Variants in SEPTIN10 observed in about 807,000 individuals in gnomAD.
The protein encoded by SEPTIN10 is septin-10.
A neutral mutation model predicts 54.8 loss-of-function variants in SEPTIN10; 66 were observed. The observed-to-expected ratio is 1.21, with a 90% CI of 0.99 to 1.48. The LOEUF (loss-of-function observed/expected upper bound fraction) is 1.48, where lower values mean the gene tolerates loss of function less well. Ranked by LOEUF, SEPTIN10 falls within the 40% of genes most tolerant of loss-of-function variation. The pLI, the probability that SEPTIN10 is intolerant of heterozygous loss-of-function variation, is 0.00. For synonymous variants in SEPTIN10, 161 were observed against 181.0 expected (o/e 0.89, Z 0.89); for missense variants, 620 against 545.6 (o/e 1.14, Z -1.36).
chr2:109,589,800 A>G (rs886795943), intron 2 of SEPTIN10, among the ~76,000 whole-genome samples: 1 of 152,044 alleles, frequency 6.6e-6, no homozygotes, highest in Non-Finnish European at 1.5e-5. Context: ...GAACTTATGC[A>G]TCAATGTTCA....
At chr2:109,586,132 AC>A (rs1447226147) in intron 2 of SEPTIN10, among the ~76,000 whole-genome samples, 1 of 152,236 alleles carries the variant, frequency 6.6e-6, no homozygotes, top group Non-Finnish European at 1.5e-5. Context: ...ATATTCACTT[AC>A]AAAATAAAAA....
chr2:109,562,260 C>G (rs1007049564), intron 8 of SEPTIN10, among the ~76,000 whole-genome samples: 1 of 151,696 alleles, frequency 6.6e-6, no homozygotes, highest in African/African-American at 2.4e-5. Flanking sequence ...AAATACATGT[C>G]TTAAGCATGC....
chr2:109,580,579 C>T (rs181034382), intron 4 of SEPTIN10, among the ~76,000 whole-genome samples: 1 of 152,116 alleles, frequency 6.6e-6, no homozygotes, highest in East Asian at 1.9e-4. Flanking sequence ...ACTGACTATC[C>T]TACAAAATAC....
intron 7 of SEPTIN10, 99 bp downstream of exon 7, chr2:109,565,664 A>G: frequency 3.8e-6 from 4 of 1,050,960 alleles, no homozygotes; most frequent in Non-Finnish European, 5.9e-6. Context: ...CTGACAACCA[A>G]TCACATCCAA....
chr2:109,548,775 CAAAAAAAAAAAAAAA>C (rs57096452), intron 9 of SEPTIN10, among the ~76,000 whole-genome samples: 9 of 63,590 alleles, frequency 1.4e-4, no homozygotes, highest in East Asian at 8.0e-4. Context: ...GGCTCCATCT[CAAAAAAAAAAAAAAA>C]AAAAAAAAAA....
intron 5 of SEPTIN10, 111 bp downstream of exon 5, chr2:109,574,469 TA>T: frequency 1.7e-6 from 1 of 593,272 alleles, no homozygotes; most frequent in Non-Finnish European, 2.4e-6. Context: ...AAAAAAAATT[TA>T]AAAAAGATGC....
intron 1 of SEPTIN10, among the ~76,000 whole-genome samples, chr2:109,611,809 T>A (rs1699317531): frequency 6.6e-6 from 1 of 152,146 alleles, no homozygotes; most frequent in Non-Finnish European, 1.5e-5. Context: ...TAAGAATGGC[T>A]AAATTAAAAA....
At chr2:109,597,022 C>G (rs1015444112) in intron 1 of SEPTIN10, among the ~76,000 whole-genome samples, 12 of 151,890 alleles carry the variant, frequency 7.9e-5, no homozygotes, top group Non-Finnish European at 1.5e-4. Flanking sequence ...CGACTGACAG[C>G]CGAGATCCTC....
chr2:109,602,277 T>C (rs1206583976), intron 1 of SEPTIN10, among the ~76,000 whole-genome samples: 1 of 151,792 alleles, frequency 6.6e-6, no homozygotes, highest in Non-Finnish European at 1.5e-5. Context: ...AGAAACTGCA[T>C]GAACAGAAAG....
chr2:109,556,834 G>T (rs543027246), intron 8 of SEPTIN10, among the ~76,000 whole-genome samples: 11 of 152,292 alleles, frequency 7.2e-5, no homozygotes, highest in African/African-American at 2.6e-4. Context: ...GGAATGCTAT[G>T]CAGCCATAAA....
intron 1 of SEPTIN10, among the ~76,000 whole-genome samples, chr2:109,601,384 A>C (rs1173368806): frequency 3.9e-5 from 6 of 152,260 alleles, no homozygotes; most frequent in Admixed American, 3.3e-4. Context: ...ACAAGTGTAT[A>C]AAAGGGTCCA....
intron 4 of SEPTIN10, among the ~76,000 whole-genome samples, chr2:109,582,667 A>G (rs999416536): frequency 2.6e-5 from 4 of 152,180 alleles, no homozygotes; most frequent in African/African-American, 9.7e-5. Context: ...TCACAGAATT[A>G]GAAAAAACTA....
At chr2:109,577,829 C>T (rs1248153572) in intron 4 of SEPTIN10, among the ~76,000 whole-genome samples, 1 of 147,544 alleles carries the variant, frequency 6.8e-6, no homozygotes, top group Non-Finnish European at 1.5e-5. Flanking sequence ...TTAAGAATCA[C>T]TTGAACCCAG....
intron 3 of SEPTIN10, 30 bp from the exon 4 acceptor site, chr2:109,585,351 T>C (rs551525124): frequency 7.2e-6 from 11 of 1,521,778 alleles, no homozygotes; most frequent in Admixed American, 2.0e-5. Flanking sequence ...ATCTTTATGG[T>C]TGCATGAATG....
At chr2:109,584,234 C>T (rs1019496503) in intron 4 of SEPTIN10, among the ~76,000 whole-genome samples, 12 of 152,048 alleles carry the variant, frequency 7.9e-5, no homozygotes, top group Non-Finnish European at 1.6e-4. Context: ...CCTAGCACTT[C>T]GGGAGGCCGA....
rs1422074833 is a variant in SEPTIN10 at position 109,574,628 on chromosome 2, A to T, written c.553T>A (p.Ser185Thr). The change falls in exon 5 of 11, where the codon TCT becomes ACT. Residue 185 changes from serine to threonine, a missense_variant. Coordinates refer to ENST00000397712, the MANE Select transcript of SEPTIN10 (RefSeq NM_144710.5). ...GTTAAGAGATCAAGTGTCTTCAGAGAGTGGCCTGTCGGTGAAATGAAGTAG... is the reference window on the plus strand; with the variant it reads ...GTTAAGAGATCAAGTGTCTTCAGAGTGTGGCCTGTCGGTGAAATGAAGTAG... The part of the protein sequence containing the change: ...CLYFISPTGH[S>T]LKTLDLLTMK... The T allele has an allele frequency of 1.9e-6, 3 of 1,604,976 alleles. No homozygotes were observed. In the Admixed American group the frequency reaches 5.1e-5, roughly 27 times the overall value.
chr2:109,561,860 A>G (rs1444351146), intron 8 of SEPTIN10, among the ~76,000 whole-genome samples: 5 of 152,290 alleles, frequency 3.3e-5, no homozygotes, highest in South Asian at 4.1e-4. Context: ...TTCAAATTAC[A>G]TATCCTTAGC....
intron 10 of SEPTIN10, chr2:109,545,070 T>C: frequency 7.1e-6 from 7 of 985,384 alleles, no homozygotes; most frequent in Non-Finnish European, 8.4e-6. Flanking sequence ...TAAAGTTGAG[T>C]TGCAATATTC....
chr2:109,607,439 T>G (rs1219359263), intron 1 of SEPTIN10, among the ~76,000 whole-genome samples: 1 of 152,124 alleles, frequency 6.6e-6, no homozygotes, highest in African/African-American at 2.4e-5. Context: ...AGTACCTGTA[T>G]TATCTCTCCC....
Sources: allele counts gnomAD v4.1 joint callset (sites outside exome capture counted in the v4.1 genomes callset), GRCh38; gene constraint gnomAD v4.1.1; transcripts MANE v1.5; gene names NCBI Gene and HGNC (gene_info 2026-07-23, HGNC 2026-07-21).